The following VPS45 variants were observed in gnomAD, a reference collection of about 807,000 sequenced individuals.
VPS45 encodes the protein vacuolar protein sorting-associated protein 45.
A neutral mutation model predicts 75.9 loss-of-function variants in VPS45; 35 were observed. That is an observed-to-expected ratio of 0.46 (90% CI 0.35 to 0.61). VPS45 has a LOEUF of 0.61. VPS45 is among the 20% of genes least tolerant of loss of function. The pLI is 0.00. For synonymous variants in VPS45, 220 were observed against 238.2 expected, an observed-to-expected ratio of 0.92 and a Z score of 0.70; for missense variants, 559 against 685.9, an observed-to-expected ratio of 0.81 and a Z score of 2.07.
intron 14 of VPS45, among the ~76,000 whole-genome samples, chr1:150,113,335 C>T (rs1657747612): frequency 1.3e-5 from 2 of 152,290 alleles, no homozygotes; most frequent in South Asian, 4.1e-4. Context: ...TGTGATACCA[C>T]ATACATACAC....
chr1:150,082,218 A>G (rs1204575659), intron 9 of VPS45, among the ~76,000 whole-genome samples: 2 of 152,182 alleles, frequency 1.3e-5, no homozygotes, highest in Non-Finnish European at 2.9e-5. Context: ...TTAAAGACTC[A>G]ATCTATTGCT....
intron 14 of VPS45, among the ~76,000 whole-genome samples, chr1:150,115,314 A>G (rs1657871085): frequency 6.6e-6 from 1 of 152,164 alleles, no homozygotes; most frequent in African/African-American, 2.4e-5. Context: ...TATCTAATCT[A>G]TGTTTAATTT....
intron 2 of VPS45, 181 bp downstream of exon 2, chr1:150,068,945 C>T: frequency 1.7e-6 from 1 of 598,448 alleles, no homozygotes. Context: ...TGACCCCTTA[C>T]AGCCAGTTCT....
At chr1:150,091,430 A>T (rs1039358234) in intron 10 of VPS45, among the ~76,000 whole-genome samples, 1 of 152,178 alleles carries the variant, frequency 6.6e-6, no homozygotes, top group Non-Finnish European at 1.5e-5. Context: ...CTAAATCTAG[A>T]GATTACATGC....
chr1:150,142,856 T>A (rs1553815636), intron 14 of VPS45: 1 of 451,582 alleles, frequency 2.2e-6, no homozygotes, highest in East Asian at 7.1e-5. Flanking sequence ...TTTCACTATG[T>A]TCCCCTGCCT....
chr1:150,133,114 A>G (rs587651100), intron 14 of VPS45, among the ~76,000 whole-genome samples: 3 of 152,334 alleles, frequency 2.0e-5, no homozygotes, highest in South Asian at 4.1e-4. Flanking sequence ...ATACTGAGGC[A>G]GTGATAAAAT....
At position 150,092,089 on chromosome 1, in the gene VPS45, T is replaced by G. The variant is rs1358877506; in HGVS notation, c.1257T>G (p.Tyr419Ter). 9.3e-6 allele frequency: 15 copies of G among 1,612,982 alleles called. No individual in the cohort carries two copies. Among genetic ancestry groups the G allele is most frequent in the Non-Finnish European group, 1.2e-5 (14 of 1,179,562 alleles). ...DLRNKGVSEK[Y>*]RKLVSAVVEY... ...GGAATAAAGGTGTTTCTGAGAAGTATCGAAAGGTAACCAGTTTCCATATTA... is the reference window on the plus strand; with the variant it reads ...GGAATAAAGGTGTTTCTGAGAAGTAGCGAAAGGTAACCAGTTTCCATATTA... Residue 419 changes from tyrosine (Y) to a stop codon, truncating the protein, a stop_gained, in exon 11 of 15, where the codon TAT becomes TAG. Coordinates refer to ENST00000644510, the MANE Select transcript of VPS45 (RefSeq NM_007259.5). LOFTEE classifies it high-confidence loss of function.
intron 14 of VPS45, among the ~76,000 whole-genome samples, chr1:150,144,238 C>T (rs1240203183): frequency 2.0e-5 from 3 of 152,056 alleles, no homozygotes; most frequent in African/African-American, 2.4e-5. Context: ...CCTGAGCCAC[C>T]GCGCCTGCCT....
At chr1:150,072,671 T>A (rs782029804) in intron 3 of VPS45, among the ~76,000 whole-genome samples, 147,715 of 147,812 alleles carry the variant, frequency 1, 73,829 homozygotes, top group African/African-American at 1. Flanking sequence ...AAAAAAAAAA[T>A]ACTTTTGACC....
At chr1:150,125,758 A>G (rs1658485510) in intron 14 of VPS45, among the ~76,000 whole-genome samples, 1 of 151,942 alleles carries the variant, frequency 6.6e-6, no homozygotes, top group Non-Finnish European at 1.5e-5. Context: ...ATGTGATCTC[A>G]GCTCACTGTA....
At chr1:150,114,467 C>A (rs1349073493) in intron 14 of VPS45, among the ~76,000 whole-genome samples, 4 of 122,716 alleles carry the variant, frequency 3.3e-5, no homozygotes, top group African/African-American at 6.1e-5. Context: ...AACACCATCT[C>A]AAAAAAAAAA....
At chr1:150,111,693 T>G (rs1005838615) in intron 14 of VPS45, among the ~76,000 whole-genome samples, 3 of 152,204 alleles carry the variant, frequency 2.0e-5, no homozygotes, top group African/African-American at 4.8e-5. Context: ...TTTTGTATGA[T>G]TATTTGGTTT....
intron 10 of VPS45, among the ~76,000 whole-genome samples, chr1:150,087,565 G>A (rs587695716): frequency 6.8e-4 from 103 of 152,252 alleles, no homozygotes; most frequent in African/African-American, 2.4e-3. Flanking sequence ...AAATCTCAAT[G>A]TAATGTATGC....
intron 14 of VPS45, among the ~76,000 whole-genome samples, chr1:150,141,380 C>G (rs1449573113): frequency 2.0e-5 from 3 of 152,074 alleles, no homozygotes; most frequent in Non-Finnish European, 2.9e-5. Context: ...GAAGACATAT[C>G]CTTAAATTAT....
intron 14 of VPS45, among the ~76,000 whole-genome samples, chr1:150,121,339 A>G (rs999717719): frequency 6.6e-6 from 1 of 152,228 alleles, no homozygotes; most frequent in African/African-American, 2.4e-5. Context: ...CTTTAAAGAT[A>G]TAACTGTTGT....
At chr1:150,070,648 A>AAAT (rs1427704677) in intron 2 of VPS45, among the ~76,000 whole-genome samples, 7 of 135,948 alleles carry the variant, frequency 5.1e-5, no homozygotes, top group East Asian at 4.2e-4. Context: ...AAAAAAAAAA[A>AAAT]CAACAAAAAA....
intron 13 of VPS45, among the ~76,000 whole-genome samples, chr1:150,097,558 A>C (rs1429773632): frequency 2.6e-5 from 4 of 151,574 alleles, no homozygotes; most frequent in Non-Finnish European, 5.9e-5. Context: ...GTCTCTACTA[A>C]AAATGCAAAA....
At chr1:150,098,817 A>G (rs1553803598) in intron 13 of VPS45, 6 of 1,241,356 alleles carry the variant, frequency 4.8e-6, no homozygotes, top group Middle Eastern at 2.3e-4. Flanking sequence ...TGCATACCCT[A>G]TTTTTCAAGC....
intron 3 of VPS45, among the ~76,000 whole-genome samples, chr1:150,075,745 A>C (rs1342341057): frequency 6.6e-6 from 1 of 152,074 alleles, no homozygotes; most frequent in Non-Finnish European, 1.5e-5. Flanking sequence ...TTACTTCCCT[A>C]GTATTCTCAT....
Sources: gnomAD v4.1 joint callset for allele counts (sites outside exome capture counted in the v4.1 genomes callset) on GRCh38, gnomAD v4.1.1 for gene constraint, MANE v1.5 for transcripts, NCBI Gene and HGNC (gene_info 2026-07-23, HGNC 2026-07-21) for gene names.